The following PCDHA3 variants were observed in gnomAD, a reference collection of about 807,000 sequenced individuals.
PCDHA3 encodes protocadherin alpha 3, also known as protocadherin alpha-3.
PCDHA3 carries 41 observed loss-of-function variants against 62.2 expected under a neutral mutation model. The observed-to-expected ratio is 0.66, with a 90% CI of 0.51 to 0.86. PCDHA3 has a LOEUF of 0.86. Among genes scored for constraint, PCDHA3 ranks in the 40% least tolerant of loss-of-function variants. The probability of loss-of-function intolerance (pLI) is 0.00; values close to 1 mark genes in which losing one functional copy is unlikely to be tolerated. For missense variants in PCDHA3, 1,304 were observed against 1,241.2 expected (o/e 1.05, Z -0.76); for synonymous variants, 640 against 555.4 (o/e 1.15, Z -2.14).
chr5:140,836,540 G>T (rs2150263388), intron 1 of PCDHA3: 1 of 1,613,776 alleles, frequency 6.2e-7, no homozygotes, highest in East Asian at 2.2e-5. Context: ...TGCTGTACAC[G>T]GCGTTGCGGT....
chr5:141,009,582 G>A, intron 3 of PCDHA3, 45 bp from the exon 4 acceptor site: 1 of 1,590,226 alleles, frequency 6.3e-7, no homozygotes, highest in Non-Finnish European at 8.6e-7. Context: ...GGCATCAAGA[G>A]CATGTGTTGA....
In PCDHA3 at chr5:140,968,153, A is replaced by G; in HGVS notation, c.2395-10796A>G. 2 of 1,614,142 alleles carry G rather than the reference A, an allele frequency of 1.2e-6. No individual in the cohort carries two copies. The highest frequency in any genetic ancestry group is 8.5e-7 in the Non-Finnish European group (1 of 1,180,046). On this transcript the variant is annotated intron_variant, in intron 1 of 3. Coordinates refer to ENST00000522353, the MANE Select transcript of PCDHA3 (RefSeq NM_018906.3). ...ACTGAAGGTTGAGATCTCTGACATC[A>G]ATGACAATCCACCAAGCTTCCTGGA...
At chr5:140,803,661 G>C in intron 1 of PCDHA3, 70 bp downstream of exon 1, 1 of 1,607,224 alleles carries the variant, frequency 6.2e-7, no homozygotes. Flanking sequence ...CACTCCTCTG[G>C]AAATACATTA....
intron 1 of PCDHA3, chr5:140,883,143 C>A (rs782699546): frequency 1.2e-6 from 2 of 1,614,042 alleles, no homozygotes; most frequent in South Asian, 1.1e-5. Context: ...GTGGTATATG[C>A]ATTTACCATA....
intron 1 of PCDHA3, chr5:140,823,530 T>C: frequency 1.2e-6 from 2 of 1,613,714 alleles, no homozygotes. Flanking sequence ...GGTCAGTGGG[T>C]GCGGGCCACG....
intron 1 of PCDHA3, among the ~76,000 whole-genome samples, chr5:140,961,052 G>A (rs942442138): frequency 7.9e-5 from 12 of 152,272 alleles, no homozygotes; most frequent in African/African-American, 2.9e-4. Flanking sequence ...TTAACAAAAT[G>A]TTGAATGGGA....
Position 140,899,489 on chromosome 5 carries a change from A to G in PCDHA3, c.2395-79460A>G, listed in dbSNP as rs1445369123. 2.0e-5 allele frequency among the ~76,000 whole-genome samples: 3 copies of G among 152,246 alleles called. 1 individual carries two copies. Among genetic ancestry groups the G allele is most frequent in the Non-Finnish European group, 4.4e-5 (3 of 68,052 alleles). On this transcript the variant is annotated intron_variant, in intron 1 of 3. Coordinates refer to ENST00000522353, the MANE Select transcript of PCDHA3 (RefSeq NM_018906.3). ...TTTGGTTCTGTTTATATGCTGGATT[A>G]CATTTATTGATTTGCATATATTGCA...
intron 1 of PCDHA3, among the ~76,000 whole-genome samples, chr5:140,901,967 T>C (rs2069024315): frequency 6.6e-6 from 1 of 152,134 alleles, no homozygotes; most frequent in East Asian, 1.9e-4. Flanking sequence ...CTATCGTAAA[T>C]GGGATTACTT....
rs185767188 is a variant in PCDHA3 at position 140,858,268 on chromosome 5, T to C, written c.2394+54677T>C. On this transcript the variant is annotated intron_variant, in intron 1 of 3. Transcript: ENST00000522353. ...CGGTGAAGCCCACGCTGGTGTGCTC[T>C]AGCGCGGTGGGGAGCTGGTCTTACT... The C allele has an allele frequency of 2.5e-3, 4,023 of 1,597,108 alleles. 314 individuals carry two copies. Among genetic ancestry groups the C allele is most frequent in the Middle Eastern group, 0.01 (61 of 5,954 alleles).
At position 140,887,760 on chromosome 5, in the gene PCDHA3, A is replaced by AT. The variant is rs1233050056; in HGVS notation, c.2394+84170dup. On this transcript the variant is annotated intron_variant, in intron 1 of 3. Coordinates refer to ENST00000522353, the MANE Select transcript of PCDHA3 (RefSeq NM_018906.3). Reference sequence around the variant, plus strand: ...CCTTTCTGAGACTCCAGTAACACATATGTTACAATGACACAGGTCATTGAA... The same window carrying AT: ...CCTTTCTGAGACTCCAGTAACACATATTGTTACAATGACACAGGTCATTGAA... Among the ~76,000 whole-genome samples, 21 of 152,264 alleles carry AT rather than the reference A, an allele frequency of 1.4e-4. No individual in the cohort carries two copies. In the East Asian group the frequency reaches 4.1e-3, roughly 29 times the overall value.
At chr5:140,858,708 T>C in intron 1 of PCDHA3, 1 of 547,182 alleles carries the variant, frequency 1.8e-6, no homozygotes, top group African/African-American at 1.9e-5. Context: ...AAATATGTGA[T>C]ATAGGTTGCA....
intron 1 of PCDHA3, among the ~76,000 whole-genome samples, chr5:140,925,728 TAAATATTTACAGAAAGA>T (rs1554202900): frequency 6.6e-6 from 1 of 151,870 alleles, no homozygotes; most frequent in African/African-American, 2.4e-5. Context: ...TGGTGTTTTC[TAAATATTTACAGAAAGA>T]AAATTTACAG....
chr5:141,006,750 G>A (rs1233243147), intron 3 of PCDHA3, among the ~76,000 whole-genome samples: 1 of 152,122 alleles, frequency 6.6e-6, no homozygotes, highest in African/African-American at 2.4e-5. Flanking sequence ...TATTATAAAT[G>A]GAGAATGAAG....
At chr5:140,829,388 C>A (rs1554131920) in intron 1 of PCDHA3, 6 of 1,614,056 alleles carry the variant, frequency 3.7e-6, no homozygotes, top group Non-Finnish European at 5.1e-6. Flanking sequence ...CGGGGGCTCG[C>A]CTTCGCTGTG....
At chr5:140,918,667 G>A (rs2078804677) in intron 1 of PCDHA3, among the ~76,000 whole-genome samples, 1 of 152,172 alleles carries the variant, frequency 6.6e-6, no homozygotes, top group African/African-American at 2.4e-5. Flanking sequence ...TTGATGGTAT[G>A]AAGAGGTGAG....
chr5:140,875,984 C>T (rs2056022183), intron 1 of PCDHA3: 1 of 1,613,870 alleles, frequency 6.2e-7, no homozygotes, highest in East Asian at 2.2e-5. Flanking sequence ...TTGACCTATG[C>T]GTTAAGTCTA....
At chr5:140,820,061 G>C (rs1163910320) in intron 1 of PCDHA3, among the ~76,000 whole-genome samples, 1 of 151,854 alleles carries the variant, frequency 6.6e-6, no homozygotes, top group African/African-American at 2.4e-5. Flanking sequence ...ATAGAAAGTG[G>C]CTAACATCAG....
At chr5:140,943,688 G>A (rs2093547294) in intron 1 of PCDHA3, among the ~76,000 whole-genome samples, 1 of 152,170 alleles carries the variant, frequency 6.6e-6, no homozygotes. Context: ...AAGGGATAAG[G>A]TCAAAATATT....
intron 1 of PCDHA3, chr5:140,855,886 A>C: frequency 1.0e-6 from 1 of 980,916 alleles, no homozygotes; most frequent in Non-Finnish European, 1.5e-6. Context: ...GCTTTTTAGA[A>C]CAAAGGCATC....
Sources: gnomAD v4.1 joint callset for allele counts (sites outside exome capture counted in the v4.1 genomes callset) on GRCh38, gnomAD v4.1.1 for gene constraint, MANE v1.5 for transcripts, NCBI Gene and HGNC (gene_info 2026-07-23, HGNC 2026-07-21) for gene names.